TBCK: variants seen among roughly 807,000 people sequenced by gnomAD.
The protein encoded by TBCK is TBC1 domain containing kinase, also known as TBC domain-containing protein kinase-like protein.
Under a neutral mutation model 113.4 loss-of-function variants are expected in TBCK, and 99 were observed. The ratio of observed to expected loss-of-function variants is 0.87; its 90% confidence interval spans 0.74 to 1.03. TBCK has a LOEUF of 1.03. Ranked by LOEUF, TBCK falls within the 50% of genes least tolerant of loss-of-function variation. The probability of loss-of-function intolerance (pLI) is 0.00; values close to 1 mark genes in which losing one functional copy is unlikely to be tolerated. For synonymous variants in TBCK, 369 were observed against 370.8 expected, an observed-to-expected ratio of 1.00 and a Z score of 0.05; for missense variants, 1,045 against 1,061.3, an observed-to-expected ratio of 0.98 and a Z score of 0.21.
chr4:106,054,414 A>G (rs559942987), intron 25 of TBCK, among the ~76,000 whole-genome samples: 2 of 151,770 alleles, frequency 1.3e-5, no homozygotes, highest in South Asian at 4.1e-4. Context: ...CACATCTTCT[A>G]TTGGCTTTCC....
intron 12 of TBCK, 96 bp from the exon 13 acceptor site, chr4:106,236,904 T>A (rs368665369): frequency 1.7e-6 from 1 of 592,482 alleles, no homozygotes; most frequent in African/African-American, 2.0e-5. Context: ...ACTATAAATT[T>A]ATAAAGGGAC....
At chr4:106,273,241 T>C (rs1307113104) in intron 3 of TBCK, among the ~76,000 whole-genome samples, 1 of 152,216 alleles carries the variant, frequency 6.6e-6, no homozygotes, top group African/African-American at 2.4e-5. Context: ...TGATATTAAC[T>C]GGGATATCTA....
intron 23 of TBCK, among the ~76,000 whole-genome samples, chr4:106,128,991 C>T (rs1745551313): frequency 6.6e-6 from 1 of 152,100 alleles, no homozygotes; most frequent in Non-Finnish European, 1.5e-5. Context: ...TGTCAAATCA[C>T]TGGGTGATGA....
intron 3 of TBCK, among the ~76,000 whole-genome samples, chr4:106,277,059 T>A (rs1345141732): frequency 1.3e-5 from 2 of 152,256 alleles, no homozygotes; most frequent in Non-Finnish European, 1.5e-5. Context: ...ACATATGTGA[T>A]GATATGAATA....
At chr4:106,290,876 C>G (rs1765640654) in intron 3 of TBCK, among the ~76,000 whole-genome samples, 1 of 152,210 alleles carries the variant, frequency 6.6e-6, no homozygotes, top group Non-Finnish European at 1.5e-5. Context: ...TGCGAGTGAT[C>G]AGGGTTGCGG....
At position 106,095,607 on chromosome 4, in the gene TBCK, T is replaced by C. The variant is rs200742458; in HGVS notation, c.2446A>G (p.Ile816Val). Residue 816 changes from isoleucine to valine, a missense_variant, in exon 25 of 26, where the codon ATT (isoleucine) becomes GTT (valine). Transcript: ENST00000394708. ...GCAGTGAAGGCAGCACTGAATGGAATGTTGATGCTTCCTGAAATGTGACCA... is the reference window on the plus strand; with the variant it reads ...GCAGTGAAGGCAGCACTGAATGGAACGTTGATGCTTCCTGAAATGTGACCA... ...IRGHISGSINIPFSAAFTAEG... is the reference protein window; with the variant it reads ...IRGHISGSINVPFSAAFTAEG... 9.3e-6 allele frequency: 15 copies of C among 1,613,778 alleles called. No homozygotes were observed. The African/African-American group carries it at 1.2e-4, about 13-fold the overall frequency.
intron 23 of TBCK, among the ~76,000 whole-genome samples, chr4:106,141,585 A>G (rs1747147457): frequency 7.1e-6 from 1 of 140,764 alleles, no homozygotes. Context: ...TGAAATCAAC[A>G]ATCTTTCTAT....
chr4:106,092,670 C>T (rs191957817), intron 25 of TBCK, among the ~76,000 whole-genome samples: 22 of 152,344 alleles, frequency 1.4e-4, no homozygotes, highest in African/African-American at 5.1e-4. Context: ...TGCCCAGAGC[C>T]GGCCGGCTGC....
At chr4:106,274,838 GA>G (rs1434637909) in intron 3 of TBCK, among the ~76,000 whole-genome samples, 1 of 152,084 alleles carries the variant, frequency 6.6e-6, no homozygotes, top group Non-Finnish European at 1.5e-5. Flanking sequence ...TCAATTTTAA[GA>G]ATTCAAAATC....
At chr4:106,202,924 T>A (rs898259462) in intron 20 of TBCK, among the ~76,000 whole-genome samples, 9 of 152,104 alleles carry the variant, frequency 5.9e-5, no homozygotes, top group African/African-American at 1.9e-4. Context: ...AAATTTTTGA[T>A]ACAGTTTAAG....
chr4:106,130,112 G>T (rs1745706443), intron 23 of TBCK, among the ~76,000 whole-genome samples: 1 of 152,124 alleles, frequency 6.6e-6, no homozygotes, highest in Non-Finnish European at 1.5e-5. Context: ...GTACCATCTT[G>T]TAATTACCAT....
At position 106,230,552 on chromosome 4, in the gene TBCK, A is replaced by G. The variant is rs1429293620; in HGVS notation, c.1691-106T>C. ...TATTCCTTGAAACTACTATTAAATAACAGTTATGATAGCCAAGTGCTAGAA... is the reference window on the plus strand; with the variant it reads ...TATTCCTTGAAACTACTATTAAATAGCAGTTATGATAGCCAAGTGCTAGAA... On this transcript the variant is annotated intron_variant, in intron 18 of 25. Coordinates refer to ENST00000394708, the MANE Select transcript of TBCK (RefSeq NM_001163435.3). 7 of 515,130 alleles carry G rather than the reference A, an allele frequency of 1.4e-5. No homozygotes were observed. The Admixed American group carries it at 2.3e-4, about 17-fold the overall frequency. 31.9% of individuals were successfully genotyped at this position (515,130 alleles called of 1,614,324 possible). A position where few individuals can be genotyped will look rare whatever the true frequency, so the allele number is the denominator to read the frequency against.
At chr4:106,161,815 T>C (rs1030842955) in intron 23 of TBCK, among the ~76,000 whole-genome samples, 2 of 151,978 alleles carry the variant, frequency 1.3e-5, no homozygotes, top group African/African-American at 2.4e-5. Context: ...CCGGAAGCCA[T>C]GGTAACTGTA....
chr4:106,078,247 C>G (rs1353627418), intron 25 of TBCK, among the ~76,000 whole-genome samples: 6 of 151,940 alleles, frequency 3.9e-5, no homozygotes, highest in Non-Finnish European at 7.4e-5. Flanking sequence ...AGGAACAAAC[C>G]AAACCCAAAG....
intron 25 of TBCK, among the ~76,000 whole-genome samples, chr4:106,056,979 T>C (rs1280481098): frequency 6.6e-6 from 1 of 151,784 alleles, no homozygotes; most frequent in Non-Finnish European, 1.5e-5. Flanking sequence ...TATATTTACA[T>C]GAAAGGTTAA....
chr4:106,078,074 A>C (rs1334500562), intron 25 of TBCK, among the ~76,000 whole-genome samples: 1 of 152,232 alleles, frequency 6.6e-6, no homozygotes, highest in East Asian at 1.9e-4. Context: ...GGCAGAAATC[A>C]AAACATTATT....
chr4:106,195,667 T>C (rs550759683), intron 20 of TBCK, among the ~76,000 whole-genome samples: 1 of 152,138 alleles, frequency 6.6e-6, no homozygotes, highest in Admixed American at 6.6e-5. Flanking sequence ...TCTACCTCAC[T>C]GCTTGAGCCG....
intron 1 of TBCK, among the ~76,000 whole-genome samples, chr4:106,311,621 T>A (rs1418023427): frequency 1.3e-5 from 2 of 151,982 alleles, no homozygotes; most frequent in Non-Finnish European, 2.9e-5. Context: ...TAGGGAAAAA[T>A]TCATAAAAAG....
intron 3 of TBCK, among the ~76,000 whole-genome samples, chr4:106,272,385 A>G (rs1364356054): frequency 6.6e-6 from 1 of 152,084 alleles, no homozygotes; most frequent in Non-Finnish European, 1.5e-5. Flanking sequence ...ATAAGTTCAT[A>G]GAAAGAACTC....
Sources: gnomAD v4.1 joint callset for allele counts (sites outside exome capture counted in the v4.1 genomes callset) on GRCh38, gnomAD v4.1.1 for gene constraint, MANE v1.5 for transcripts, NCBI Gene and HGNC (gene_info 2026-07-23, HGNC 2026-07-21) for gene names.